Variants in DSCAM observed in about 807,000 individuals in gnomAD.
DSCAM encodes cell adhesion molecule DSCAM.
A neutral mutation model predicts 217.7 loss-of-function variants in DSCAM; 47 were observed. That is an observed-to-expected ratio of 0.22 (90% CI 0.17 to 0.28). The LOEUF is 0.28. DSCAM is among the 10% of genes least tolerant of loss of function. The pLI is 1.00. For missense variants in DSCAM, 2,080 were observed against 2,618.3 expected (o/e 0.79, Z 4.49); for synonymous variants, 1,056 against 1,015.3 (o/e 1.04, Z -0.76).
At chr21:40,662,426 G>A (rs2837770) in intron 3 of DSCAM, among the ~76,000 whole-genome samples, 52,528 of 151,950 alleles carry the variant, frequency 0.35, 10,505 homozygotes, top group Non-Finnish European at 0.45. Flanking sequence ...ATACAGGAGC[G>A]TCCTATTTTG....
At position 40,238,589 on chromosome 21, in the gene DSCAM, T is replaced by C. The variant is rs375681097; in HGVS notation, c.2356+37508A>G. Among the ~76,000 whole-genome samples the C allele has an allele frequency of 9.2e-5, 14 of 152,254 alleles. 1 individual carries two copies. The highest frequency in any genetic ancestry group is 2.6e-4 in the African/African-American group (11 of 41,562). ...AACCAAGCGCTCTGAGTGGAAAGCA[T>C]TGCGTCTTCTCTCACATGTGCCATA... On this transcript the variant is annotated intron_variant, in intron 11 of 32. Coordinates refer to ENST00000400454, the MANE Select transcript of DSCAM (RefSeq NM_001389.5).
Position 40,187,136 on chromosome 21 carries a change from T to G in DSCAM, c.2774A>C (p.Lys925Thr). 6.2e-7 allele frequency: 1 copy of G among 1,613,158 alleles called. No individual in the cohort carries two copies. The highest frequency in any genetic ancestry group is 8.5e-7 in the Non-Finnish European group (1 of 1,179,668). ...GGAGGAAGTAAAGAACTTACCTGAT[T>G]TATTTTTGCATTCAATATCGTAGCC... The part of the protein sequence containing the change: ...ITGYDIECKN[K>T]SDSWDSAQRT... Residue 925 changes from lysine to threonine, a missense_variant, in exon 14 of 33, where the codon AAA becomes ACA. Around this residue, in one of 5 missense-constraint regions of DSCAM, gnomAD observed 1,144 missense variants for 1,421.1 expected, o/e 0.81. Coordinates refer to ENST00000400454, the MANE Select transcript of DSCAM (RefSeq NM_001389.5).
At chr21:40,576,457 G>A (rs1310217408) in intron 3 of DSCAM, among the ~76,000 whole-genome samples, 1 of 152,150 alleles carries the variant, frequency 6.6e-6, no homozygotes, top group Non-Finnish European at 1.5e-5. Context: ...ACAGTTAACT[G>A]AATGTTCTAC....
At chr21:40,451,812 AC>A (rs2075722071) in intron 3 of DSCAM, among the ~76,000 whole-genome samples, 1 of 152,176 alleles carries the variant, frequency 6.6e-6, no homozygotes, top group African/African-American at 2.4e-5. Flanking sequence ...GGAACACTAA[AC>A]ATGTGGGAGT....
intron 3 of DSCAM, among the ~76,000 whole-genome samples, chr21:40,554,068 T>C (rs2076651151): frequency 1.3e-5 from 2 of 152,032 alleles, no homozygotes; most frequent in African/African-American, 4.8e-5. Flanking sequence ...TATTTACAGA[T>C]GTCATAACGC....
chr21:40,205,170 AGACACTAATT>A (rs1568998858), intron 11 of DSCAM, among the ~76,000 whole-genome samples: 1 of 152,368 alleles, frequency 6.6e-6, no homozygotes, highest in East Asian at 1.9e-4. Context: ...GGAGACGAAC[AGACACTAATT>A]GAGGTATTGA....
At chr21:40,309,285 C>A in intron 9 of DSCAM, among the ~76,000 whole-genome samples, 1 of 152,210 alleles carries the variant, frequency 6.6e-6, no homozygotes, top group East Asian at 1.9e-4. Context: ...AGGTCATAAA[C>A]AATATCCATC....
chr21:40,760,688 C>G (rs1164278521), intron 1 of DSCAM, among the ~76,000 whole-genome samples: 2 of 152,216 alleles, frequency 1.3e-5, no homozygotes, highest in African/African-American at 4.8e-5. Context: ...CTGCAAATCT[C>G]TCCTCCTGTG....
chr21:40,143,801 C>A (rs12152078), intron 17 of DSCAM, among the ~76,000 whole-genome samples: 65,203 of 152,002 alleles, frequency 0.43, 17,013 homozygotes, highest in South Asian at 0.58. Flanking sequence ...AAAAAAAAAT[C>A]TATGATCAAA....
chr21:40,418,147 G>A (rs75442596), intron 3 of DSCAM, among the ~76,000 whole-genome samples: 5,065 of 152,256 alleles, frequency 0.033, 134 homozygotes, highest in Non-Finnish European at 0.047. Context: ...GTGTTCGGCA[G>A]GAGATTTCAA....
At chr21:40,589,430 G>C (rs561367642) in intron 3 of DSCAM, among the ~76,000 whole-genome samples, 2 of 152,222 alleles carry the variant, frequency 1.3e-5, no homozygotes, top group Non-Finnish European at 2.9e-5. Flanking sequence ...ACAAACATTA[G>C]CTGGGTGTGG....
intron 6 of DSCAM, among the ~76,000 whole-genome samples, chr21:40,342,315 T>C (rs911495420): frequency 1.3e-5 from 2 of 152,180 alleles, no homozygotes. Flanking sequence ...GTGTATAAAA[T>C]ATTTTATCCC....
At chr21:40,095,540 G>C (rs2089665339) in intron 20 of DSCAM, among the ~76,000 whole-genome samples, 1 of 152,202 alleles carries the variant, frequency 6.6e-6, no homozygotes, top group African/African-American at 2.4e-5. Flanking sequence ...GGGCAGGGTA[G>C]GGGAAGGGGA....
chr21:40,106,228 C>T (rs2089818195), intron 20 of DSCAM, among the ~76,000 whole-genome samples: 1 of 152,154 alleles, frequency 6.6e-6, no homozygotes, highest in South Asian at 2.1e-4. Flanking sequence ...ACAGGAAAAT[C>T]CGCCCCCATG....
chr21:40,129,306 C>T (rs2090130818), intron 19 of DSCAM, among the ~76,000 whole-genome samples: 1 of 152,216 alleles, frequency 6.6e-6, no homozygotes, highest in African/African-American at 2.4e-5. Flanking sequence ...GCACATATGT[C>T]CCTTTTCTCT....
chr21:40,515,262 CTTA>C lies in DSCAM; in HGVS notation c.509-146020_509-146018del, dbSNP rs144528970. ...TGCCTAAAGCTATAGACTACATTAA[CTTA>C]TTGTTTTGAAAAAAATATATAAACG... On this transcript the variant is annotated intron_variant, in intron 3 of 32. Coordinates refer to ENST00000400454, the MANE Select transcript of DSCAM (RefSeq NM_001389.5). Among the ~76,000 whole-genome samples, 524 of 152,284 alleles carry C rather than the reference CTTA, an allele frequency of 3.4e-3. 3 individuals carry two copies. The highest frequency in any genetic ancestry group is 7.3e-3 in the African/African-American group (304 of 41,564).
chr21:40,163,070 AAC>A (rs3069756), intron 16 of DSCAM, among the ~76,000 whole-genome samples: 4,208 of 143,006 alleles, frequency 0.029, 91 homozygotes, highest in Admixed American at 0.074. Flanking sequence ...GACCATGGCA[AAC>A]ACACACACAC....
At chr21:40,243,929 C>A (rs1433118671) in intron 11 of DSCAM, among the ~76,000 whole-genome samples, 1 of 152,132 alleles carries the variant, frequency 6.6e-6, no homozygotes, top group African/African-American at 2.4e-5. Flanking sequence ...CATTTCCCAT[C>A]TGTGATGTTC....
intron 3 of DSCAM, among the ~76,000 whole-genome samples, chr21:40,601,452 G>C (rs1249166736): frequency 6.6e-6 from 1 of 152,048 alleles, no homozygotes; most frequent in African/African-American, 2.4e-5. Flanking sequence ...CATGTCATCT[G>C]TGAACAAGGA....
Sources: allele counts gnomAD v4.1 joint callset (sites outside exome capture counted in the v4.1 genomes callset), GRCh38; gene constraint gnomAD v4.1.1; regional missense constraint gnomAD v4.1.1; transcripts MANE v1.5; gene names NCBI Gene and HGNC (gene_info 2026-07-23, HGNC 2026-07-21).